Variants in SHC3 observed in about 807,000 individuals in gnomAD.
The protein encoded by SHC3 is SHC-transforming protein 3.
SHC3 carries 15 observed loss-of-function variants against 60.4 expected under a neutral mutation model. The ratio of observed to expected loss-of-function variants is 0.25; its 90% CI spans 0.17 to 0.38. The LOEUF (loss-of-function observed/expected upper bound fraction) is 0.38, where lower values mean the gene tolerates loss of function less well. Ranked by LOEUF, SHC3 falls within the 10% of genes least tolerant of loss-of-function variation. The pLI is 1.00. For missense variants in SHC3, 677 were observed against 786.1 expected, an observed-to-expected ratio of 0.86 and a Z score of 1.66; for synonymous variants, 294 against 325.9, an observed-to-expected ratio of 0.90 and a Z score of 1.05.
At chr9:89,036,715 G>A (rs1306088019) in intron 11 of SHC3, among the ~76,000 whole-genome samples, 2 of 152,144 alleles carry the variant, frequency 1.3e-5, no homozygotes, top group South Asian at 2.1e-4. Context: ...GGGATTTGTG[G>A]AACAATAACA....
intron 11 of SHC3, among the ~76,000 whole-genome samples, chr9:89,025,632 C>T (rs1327634367): frequency 1.3e-5 from 2 of 152,190 alleles, no homozygotes; most frequent in Non-Finnish European, 2.9e-5. Flanking sequence ...ATCTTCCTCC[C>T]TTTGGAATTC....
intron 1 of SHC3, 118 bp from the exon 2 acceptor site, chr9:89,112,744 T>A: frequency 1.3e-6 from 1 of 799,244 alleles, no homozygotes; most frequent in Non-Finnish European, 1.9e-6. Context: ...ATTTTAACTT[T>A]AAATTCTAGG....
At position 89,012,789 on chromosome 9, in the gene SHC3, G is replaced by T. The variant is rs1826029452; in HGVS notation, c.*658C>A. The T allele has an allele frequency of 6.6e-6, 1 of 152,192 alleles. No homozygotes were observed. Among genetic ancestry groups the T allele is most frequent in the South Asian group, 2.1e-4 (1 of 4,824 alleles). 9.4% of individuals were successfully genotyped at this position (152,192 alleles called of 1,614,324 possible). A position where few individuals can be genotyped will look rare whatever the true frequency, so the allele number is the denominator to read the frequency against. On this transcript the variant is annotated 3_prime_UTR_variant, in exon 12 of 12. Coordinates refer to ENST00000375835, the MANE Select transcript of SHC3 (RefSeq NM_016848.6). ...GGGGCCCTGTGCTCAGCAGGACCCGGAGAAGCTGGAGTGCCACCTGTTCTT... is the reference window on the plus strand; with the variant it reads ...GGGGCCCTGTGCTCAGCAGGACCCGTAGAAGCTGGAGTGCCACCTGTTCTT...
intron 11 of SHC3, among the ~76,000 whole-genome samples, chr9:89,017,085 T>C (rs150395102): frequency 0.022 from 3,360 of 152,326 alleles, 61 homozygotes; most frequent in Middle Eastern, 0.058. Flanking sequence ...AAGTAATTTA[T>C]AGATTCAATG....
intron 11 of SHC3, among the ~76,000 whole-genome samples, chr9:89,016,859 T>C (rs1360213531): frequency 1.3e-5 from 2 of 152,176 alleles, no homozygotes; most frequent in Non-Finnish European, 1.5e-5. Flanking sequence ...GTTGGTCCAA[T>C]ATTCAGAAAT....
chr9:89,152,886 T>G (rs1227981769), intron 1 of SHC3, among the ~76,000 whole-genome samples: 2 of 152,210 alleles, frequency 1.3e-5, no homozygotes, highest in African/African-American at 4.8e-5. Flanking sequence ...ATAGTGCTAA[T>G]TTGACCAAAT....
intron 2 of SHC3, among the ~76,000 whole-genome samples, chr9:89,101,346 GA>G (rs916171998): frequency 2.6e-5 from 4 of 151,650 alleles, no homozygotes; most frequent in East Asian, 3.9e-4. Flanking sequence ...CATGTTATAT[GA>G]AAAAAAAGAT....
chr9:89,093,359 G>C (rs1240181443), intron 2 of SHC3, among the ~76,000 whole-genome samples: 1 of 152,142 alleles, frequency 6.6e-6, no homozygotes, highest in African/African-American at 2.4e-5. Flanking sequence ...ATTTGGAAAA[G>C]GCTGCTGACT....
chr9:89,160,166 G>C (rs980506377), intron 1 of SHC3, among the ~76,000 whole-genome samples: 1 of 152,136 alleles, frequency 6.6e-6, no homozygotes, highest in Non-Finnish European at 1.5e-5. Flanking sequence ...GTAGTGTCAG[G>C]TGTCCCTGAC....
At chr9:89,065,934 C>G (rs995661519) in intron 5 of SHC3, among the ~76,000 whole-genome samples, 1 of 152,188 alleles carries the variant, frequency 6.6e-6, no homozygotes, top group East Asian at 1.9e-4. Flanking sequence ...CATGTTGGAT[C>G]GCCTGAGAAG....
In SHC3 at chr9:89,137,626, G is replaced by A. The variant is rs182605633; in HGVS notation, c.475-25000C>T. On this transcript the variant is annotated intron_variant, in intron 1 of 11. Transcript: ENST00000375835. ...AACTCAAGGGCACAGAATAAAATTA[G>A]CTTTCTGAATGAGAAATATTAAAAG... Among the ~76,000 whole-genome samples the A allele has an allele frequency of 1.2e-4, 19 of 152,266 alleles. No homozygotes were observed. The East Asian group carries it at 3.5e-3, about 28-fold the overall frequency.
intron 1 of SHC3, among the ~76,000 whole-genome samples, chr9:89,131,905 C>T (rs1229597045): frequency 6.6e-6 from 1 of 152,068 alleles, no homozygotes; most frequent in East Asian, 1.9e-4. Flanking sequence ...GAAGTTCTGG[C>T]CAGGGCAATC....
intron 1 of SHC3, among the ~76,000 whole-genome samples, chr9:89,167,689 A>T (rs1360913587): frequency 6.6e-6 from 1 of 152,258 alleles, no homozygotes; most frequent in Non-Finnish European, 1.5e-5. Flanking sequence ...CCAAATAGAA[A>T]CATGCACGAG....
At chr9:89,040,750 G>C (rs191833491) in intron 10 of SHC3, among the ~76,000 whole-genome samples, 31 of 152,322 alleles carry the variant, frequency 2.0e-4, no homozygotes, top group Non-Finnish European at 1.3e-4. Context: ...AGGTGATCTA[G>C]CATTGAAGGT....
intron 1 of SHC3, among the ~76,000 whole-genome samples, chr9:89,168,116 A>G (rs1021228887): frequency 2.0e-5 from 3 of 152,082 alleles, no homozygotes; most frequent in Non-Finnish European, 4.4e-5. Flanking sequence ...TCAGACCCCT[A>G]CTCTAGCATC....
At chr9:89,015,162 C>A (rs184676230) in intron 11 of SHC3, among the ~76,000 whole-genome samples, 1 of 152,322 alleles carries the variant, frequency 6.6e-6, no homozygotes, top group African/African-American at 2.4e-5. Context: ...CCAGAAAGAC[C>A]CCCTGAGTAA....
chr9:89,172,923 C>A (rs1471290626), intron 1 of SHC3, among the ~76,000 whole-genome samples: 1 of 152,172 alleles, frequency 6.6e-6, no homozygotes, highest in Non-Finnish European at 1.5e-5. Context: ...TGGCCCTGGC[C>A]CCAGTGATCC....
At chr9:89,103,798 AC>A (rs1825817252) in intron 2 of SHC3, among the ~76,000 whole-genome samples, 1 of 152,180 alleles carries the variant, frequency 6.6e-6, no homozygotes, top group South Asian at 2.1e-4. Context: ...GAAACAGAGG[AC>A]TTAAGTCATG....
At chr9:89,088,096 G>C (rs1825561884) in intron 2 of SHC3, among the ~76,000 whole-genome samples, 2 of 152,076 alleles carry the variant, frequency 1.3e-5, no homozygotes, top group African/African-American at 4.8e-5. Flanking sequence ...CACCTTTTAG[G>C]GTTGGTTAAG....
Sources: allele counts gnomAD v4.1 joint callset (sites outside exome capture counted in the v4.1 genomes callset), GRCh38; gene constraint gnomAD v4.1.1; transcripts MANE v1.5; gene names NCBI Gene and HGNC (gene_info 2026-07-23, HGNC 2026-07-21).